The following FAM20B variants were observed in gnomAD, a reference collection of about 807,000 sequenced individuals.
The protein encoded by FAM20B is FAM20B glycosaminoglycan xylosylkinase, also known as glycosaminoglycan xylosylkinase.
FAM20B carries 23 observed loss-of-function variants against 43.8 expected under a neutral mutation model. The observed-to-expected ratio is 0.53, with a 90% CI of 0.38 to 0.74. FAM20B has a LOEUF of 0.74. FAM20B is among the 30% of genes least tolerant of loss of function. FAM20B has a pLI of 0.00. For missense variants in FAM20B, 440 were observed against 510.5 expected, an observed-to-expected ratio of 0.86 and a Z score of 1.33; for synonymous variants, 178 against 192.4, an observed-to-expected ratio of 0.93 and a Z score of 0.62.
chr1:179,060,766 C>A (rs1364571550), intron 4 of FAM20B, among the ~76,000 whole-genome samples: 1 of 152,116 alleles, frequency 6.6e-6, no homozygotes, highest in Admixed American at 6.5e-5. Flanking sequence ...TCAAAAGGCA[C>A]GTGCATTTTA....
At chr1:179,049,983 C>T (rs944018779) in intron 2 of FAM20B, among the ~76,000 whole-genome samples, 1 of 152,220 alleles carries the variant, frequency 6.6e-6, no homozygotes, top group African/African-American at 2.4e-5. Flanking sequence ...CAGAAAACTA[C>T]CTTTTATCTG....
At chr1:179,062,423 G>A (rs1037879148) in intron 4 of FAM20B, among the ~76,000 whole-genome samples, 2 of 152,056 alleles carry the variant, frequency 1.3e-5, no homozygotes, top group Non-Finnish European at 2.9e-5. Flanking sequence ...AGGCTGAGGT[G>A]GGTGGATCAT....
At chr1:179,043,196 G>A (rs1650619846) in intron 1 of FAM20B, among the ~76,000 whole-genome samples, 1 of 152,246 alleles carries the variant, frequency 6.6e-6, no homozygotes, top group African/African-American at 2.4e-5. Flanking sequence ...AAAGTCCGGA[G>A]TGGGCTGAGA....
At chr1:179,065,334 G>A (rs1406293820) in intron 6 of FAM20B, among the ~76,000 whole-genome samples, 3 of 151,936 alleles carry the variant, frequency 2.0e-5, no homozygotes, top group Non-Finnish European at 4.4e-5. Context: ...ACAGGGTTTC[G>A]CCATTTTGGC....
In FAM20B at chr1:179,043,974, C is replaced by G; in HGVS notation, c.127C>G (p.Arg43Gly). Reference sequence around the variant, plus strand: ...CCGGGAGGACCAGAGGGCCTTTCACCGAATGATGACTGGCTTGCGGGTGGA... The same window carrying G: ...CCGGGAGGACCAGAGGGCCTTTCACGGAATGATGACTGGCTTGCGGGTGGA... ...ANREDQRAFH[R>G]MMTGLRVELA... is the part of the protein sequence containing the mutation. Residue 43 changes from arginine (R) to glycine (G), a missense_variant, in exon 2 of 8, where the codon CGA becomes GGA. Arg to Gly is a moderately radical substitution (Grantham distance 125). Coordinates refer to ENST00000263733, the MANE Select transcript of FAM20B (RefSeq NM_014864.4). 6.2e-7 allele frequency: 1 copy of G among 1,614,112 alleles called. No individual in the cohort carries two copies. Among genetic ancestry groups the G allele is most frequent in the Non-Finnish European group, 8.5e-7 (1 of 1,180,004 alleles).
At chr1:179,043,670 G>A (rs984549555) in intron 1 of FAM20B, 45 bp from the exon 2 acceptor site, 1 of 565,292 alleles carries the variant, frequency 1.8e-6, no homozygotes, top group East Asian at 2.9e-5. Flanking sequence ...AGGGGTGGAA[G>A]GACAGAATTT....
chr1:179,035,847 C>T (rs979730564), intron 1 of FAM20B, among the ~76,000 whole-genome samples: 1 of 151,824 alleles, frequency 6.6e-6, no homozygotes, highest in South Asian at 2.1e-4. Flanking sequence ...GTGAATTAGC[C>T]GGCTGGGCGT....
intron 6 of FAM20B, among the ~76,000 whole-genome samples, chr1:179,066,457 CT>C (rs1182052430): frequency 1.3e-5 from 2 of 152,034 alleles, no homozygotes; most frequent in Non-Finnish European, 2.9e-5. Context: ...CTCTCTGGTC[CT>C]TAAAACCTTT....
At chr1:179,035,755 A>C (rs1050931903) in intron 1 of FAM20B, 9 of 292,242 alleles carry the variant, frequency 3.1e-5, no homozygotes, top group South Asian at 2.5e-4. Flanking sequence ...AAACAACTTC[A>C]TAGTCTTACG....
intron 7 of FAM20B, among the ~76,000 whole-genome samples, chr1:179,067,936 G>T (rs539251715): frequency 2.0e-4 from 31 of 152,044 alleles, no homozygotes; most frequent in Admixed American, 4.6e-4. Context: ...GCTAATTTTT[G>T]TATTTGCAGT....
Position 179,064,397 on chromosome 1 carries a change from T to A in FAM20B, c.839T>A (p.Val280Asp), listed in dbSNP as rs1323325869. 6.2e-7 allele frequency: 1 copy of A among 1,614,062 alleles called. No individual in the cohort carries two copies. Among genetic ancestry groups the A allele is most frequent in the African/African-American group, 1.3e-5 (1 of 74,938 alleles). The change falls in exon 6 of 8, where the codon GTC becomes GAC. Residue 280 changes from valine to aspartate, a missense_variant. Transcript: ENST00000263733. Reference sequence around the variant, plus strand: ...CTCTTGGACATCATTGACACAGCTGTCTTTGATTACCTGATTGGCAATGCT... The same window carrying A: ...CTCTTGGACATCATTGACACAGCTGACTTTGATTACCTGATTGGCAATGCT... ...PRLLDIIDTA[V>D]FDYLIGNADR...
chr1:179,063,859 T>G, intron 4 of FAM20B, 68 bp from the exon 5 acceptor site: 2 of 1,145,388 alleles, frequency 1.7e-6, no homozygotes, highest in African/African-American at 1.5e-5. Flanking sequence ...CTGTTCTGCA[T>G]TATTTGGGAG....
intron 1 of FAM20B, among the ~76,000 whole-genome samples, chr1:179,033,113 C>CT (rs1232951913): frequency 6.6e-6 from 1 of 152,140 alleles, no homozygotes; most frequent in African/African-American, 2.4e-5. Context: ...GTGTGTGTGT[C>CT]TAACTTTTTT....
chr1:179,017,930 G>A, the FAM20B span, among the ~76,000 whole-genome samples: 4 of 152,182 alleles, frequency 2.6e-5, no homozygotes, highest in African/African-American at 9.7e-5. Flanking sequence ...AGGAAAAGAG[G>A]AGAAAGGAGA....
intron 2 of FAM20B, among the ~76,000 whole-genome samples, chr1:179,045,494 G>A (rs570304332): frequency 6.6e-6 from 1 of 152,236 alleles, no homozygotes; most frequent in Non-Finnish European, 1.5e-5. Context: ...GTCAGAGCAT[G>A]AATGTATAGG....
intron 4 of FAM20B, among the ~76,000 whole-genome samples, chr1:179,061,080 T>A (rs1651446126): frequency 1.3e-5 from 2 of 149,448 alleles, no homozygotes; most frequent in Non-Finnish European, 3.0e-5. Flanking sequence ...TGTCGAATTT[T>A]TTTTTTTTTT....
At chr1:179,048,239 T>C (rs1650862580) in intron 2 of FAM20B, among the ~76,000 whole-genome samples, 1 of 152,208 alleles carries the variant, frequency 6.6e-6, no homozygotes, top group Non-Finnish European at 1.5e-5. Flanking sequence ...AAAAGGGACC[T>C]TGGAGATCAG....
chr1:179,068,973 G>A (rs1651807169), intron 7 of FAM20B, among the ~76,000 whole-genome samples: 2 of 152,204 alleles, frequency 1.3e-5, no homozygotes, highest in African/African-American at 4.8e-5. Context: ...AGCCACAGCT[G>A]GTGTCATGAC....
At chr1:179,039,455 A>G (rs2102491242) in intron 1 of FAM20B, among the ~76,000 whole-genome samples, 1 of 152,372 alleles carries the variant, frequency 6.6e-6, no homozygotes, top group South Asian at 2.1e-4. Context: ...TAGTGCTGCC[A>G]TAGTACCAGG....
Sources: gnomAD v4.1 joint callset for allele counts (sites outside exome capture counted in the v4.1 genomes callset) on GRCh38, gnomAD v4.1.1 for gene constraint, MANE v1.5 for transcripts, NCBI Gene and HGNC (gene_info 2026-07-23, HGNC 2026-07-21) for gene names.